The following SBF2 variants were observed in gnomAD, a reference collection of about 807,000 sequenced individuals.
The protein encoded by SBF2 is SET binding factor 2, also known as myotubularin-related protein 13.
SBF2 carries 112 observed loss-of-function variants against 225.2 expected under a neutral mutation model. That is an observed-to-expected ratio of 0.50 (90% CI 0.43 to 0.58). SBF2 has a LOEUF of 0.58. SBF2 is among the 20% of genes least tolerant of loss of function. The pLI is 0.00. For synonymous variants in SBF2, 763 were observed against 773.3 expected, an observed-to-expected ratio of 0.99 and a Z score of 0.22; for missense variants, 1,996 against 2,206.2, an observed-to-expected ratio of 0.90 and a Z score of 1.91.
rs60692182 is a variant in SBF2, at chr11:9,915,445, C to CA, written c.1861-19435dup. Among the ~76,000 whole-genome samples the CA allele has an allele frequency of 3.3e-3, 362 of 109,610 alleles. 3 individuals are homozygous for CA. The highest frequency in any genetic ancestry group is 8.8e-3 in the South Asian group (29 of 3,308). The allele number at this position is 109,610 out of a possible 152,430, so 71.9% of individuals were successfully genotyped here. On this transcript the variant is annotated intron_variant, in intron 16 of 39. Coordinates refer to ENST00000256190, the MANE Select transcript of SBF2 (RefSeq NM_030962.4). ...CTGGTAACAGAGCAAGAGTCCGTCT[C>CA]AAAAAAAAAAAAAAAAAAAGAAATT...
intron 2 of SBF2, among the ~76,000 whole-genome samples, chr11:10,161,117 AGAG>A (rs964624851): frequency 6.7e-6 from 1 of 150,090 alleles, no homozygotes; most frequent in Non-Finnish European, 1.5e-5. Context: ...CCTGGGAGAC[AGAG>A]TTTGCAGTGA....
chr11:10,081,529 C>T (rs187953403), intron 2 of SBF2, among the ~76,000 whole-genome samples: 6 of 152,146 alleles, frequency 3.9e-5, no homozygotes, highest in East Asian at 1.9e-4. Context: ...GAGGCTGAGA[C>T]GGATAGATCG....
rs559769224 is a variant in SBF2, at chr11:10,029,786, G to C, written c.492C>G (p.Val164=). ...TTACCTGAGACCCTCCAGCCGCTGG[G>C]ACAAGGCAGGCACAAAGGTTTGCAA... ...SLIANLCACL[V]PAAGGSQKLF... Residue 164 remains valine, a synonymous_variant, in exon 5 of 40, where the codon GTC becomes GTG. Coordinates refer to ENST00000256190, the MANE Select transcript of SBF2 (RefSeq NM_030962.4). 44 of 1,612,956 alleles carry C rather than the reference G, an allele frequency of 2.7e-5. 2 individuals carry two copies. The South Asian group carries it at 4.8e-4, about 18-fold the overall frequency.
chr11:10,044,040 A>T (rs1949758002), intron 2 of SBF2, among the ~76,000 whole-genome samples: 1 of 152,252 alleles, frequency 6.6e-6, no homozygotes, highest in African/African-American at 2.4e-5. Flanking sequence ...ATTAGAAAAG[A>T]AGAAAGATCT....
intron 20 of SBF2, among the ~76,000 whole-genome samples, chr11:9,853,096 T>G (rs1254809973): frequency 2.0e-5 from 3 of 152,176 alleles, no homozygotes; most frequent in Non-Finnish European, 4.4e-5. Flanking sequence ...TTCTGATACA[T>G]GCCACAACAC....
chr11:9,867,023 G>A (rs1014754192), intron 17 of SBF2, among the ~76,000 whole-genome samples: 2 of 152,092 alleles, frequency 1.3e-5, no homozygotes, highest in Non-Finnish European at 2.9e-5. Context: ...ACCACAATGA[G>A]ATGGGTACAA....
intron 16 of SBF2, among the ~76,000 whole-genome samples, chr11:9,939,871 C>T (rs1443160750): frequency 2.6e-5 from 4 of 152,158 alleles, no homozygotes; most frequent in Non-Finnish European, 5.9e-5. Flanking sequence ...CTGAAAGCCT[C>T]GCTCCTAAAC....
chr11:9,919,078 G>A (rs1210221320), intron 16 of SBF2, among the ~76,000 whole-genome samples: 1 of 151,892 alleles, frequency 6.6e-6, no homozygotes, highest in African/African-American at 2.4e-5. Flanking sequence ...CCAACTTTTA[G>A]GAAAAGAGCA....
At chr11:10,098,691 A>T (rs906679253) in intron 2 of SBF2, among the ~76,000 whole-genome samples, 1 of 148,468 alleles carries the variant, frequency 6.7e-6, no homozygotes, top group Non-Finnish European at 1.5e-5. Context: ...ACACACACAC[A>T]CACACACACA....
intron 21 of SBF2, among the ~76,000 whole-genome samples, chr11:9,851,096 A>G (rs2133984929): frequency 6.8e-6 from 1 of 146,036 alleles, no homozygotes; most frequent in Non-Finnish European, 1.5e-5. Flanking sequence ...AGATTGTGCC[A>G]CTGCACTCCA....
intron 17 of SBF2, among the ~76,000 whole-genome samples, chr11:9,869,021 T>A (rs1023377483): frequency 2.6e-5 from 4 of 152,240 alleles, no homozygotes; most frequent in Non-Finnish European, 5.9e-5. Context: ...ACTCATTAGT[T>A]AGAGTACTTC....
intron 1 of SBF2, among the ~76,000 whole-genome samples, chr11:10,257,528 G>A (rs1470990920): frequency 6.6e-6 from 1 of 151,902 alleles, no homozygotes; most frequent in East Asian, 1.9e-4. Context: ...AAATAGGCAT[G>A]GTTGTGTGTG....
At chr11:9,917,364 C>T (rs1863186004) in intron 16 of SBF2, among the ~76,000 whole-genome samples, 1 of 151,536 alleles carries the variant, frequency 6.6e-6, no homozygotes, top group Non-Finnish European at 1.5e-5. Flanking sequence ...CAGAATCTCC[C>T]TCTGTCACCC....
At chr11:10,007,653 T>G (rs1948254873) in intron 6 of SBF2, among the ~76,000 whole-genome samples, 2 of 152,108 alleles carry the variant, frequency 1.3e-5, no homozygotes, top group Admixed American at 6.5e-5. Context: ...CACTCCTTAT[T>G]GGGTTTACCC....
chr11:10,276,544 C>T (rs1962972561), intron 1 of SBF2, among the ~76,000 whole-genome samples: 1 of 152,238 alleles, frequency 6.6e-6, no homozygotes, highest in South Asian at 2.1e-4. Flanking sequence ...TCATCTCCAC[C>T]TCCCAGTCCC....
intron 16 of SBF2, chr11:9,958,390 C>T (rs1443188493): frequency 2.1e-5 from 3 of 142,798 alleles, no homozygotes; most frequent in African/African-American, 7.9e-5. Flanking sequence ...GACGGAGTCT[C>T]GCTGTCGCCC....
intron 2 of SBF2, among the ~76,000 whole-genome samples, chr11:10,135,108 G>T (rs1043664439): frequency 3.9e-5 from 6 of 152,220 alleles, no homozygotes; most frequent in African/African-American, 1.4e-4. Flanking sequence ...TGCACTGGCA[G>T]GCTCAACACC....
intron 1 of SBF2, among the ~76,000 whole-genome samples, chr11:10,281,598 TA>T (rs935741923): frequency 6.6e-6 from 1 of 152,176 alleles, no homozygotes; most frequent in Non-Finnish European, 1.5e-5. Context: ...CCTTTTCTTT[TA>T]CATCCTCTTA....
At chr11:9,783,996 G>C (rs112164890) in intron 38 of SBF2, among the ~76,000 whole-genome samples, 46 of 152,296 alleles carry the variant, frequency 3.0e-4, no homozygotes, top group African/African-American at 1.1e-3. Flanking sequence ...TGTGCATGTG[G>C]TATGTATGCA....
Sources: allele counts gnomAD v4.1 joint callset (sites outside exome capture counted in the v4.1 genomes callset), GRCh38; gene constraint gnomAD v4.1.1; transcripts MANE v1.5; gene names NCBI Gene and HGNC (gene_info 2026-07-23, HGNC 2026-07-21).